PRKG1: variants seen among roughly 807,000 people sequenced by gnomAD.
PRKG1 encodes protein kinase cGMP-dependent 1.
PRKG1 carries 35 observed loss-of-function variants against 88.1 expected under a neutral mutation model. That is an observed-to-expected ratio of 0.40 (90% CI 0.30 to 0.53). PRKG1 has a LOEUF of 0.53. Ranked by LOEUF, PRKG1 falls within the 20% of genes least tolerant of loss-of-function variation. The pLI is 0.59. For synonymous variants in PRKG1, 303 were observed against 292.5 expected, an observed-to-expected ratio of 1.04 and a Z score of -0.37; for missense variants, 540 against 839.8, an observed-to-expected ratio of 0.64 and a Z score of 4.41.
intron 1 of PRKG1, among the ~76,000 whole-genome samples, chr10:51,005,681 C>G (rs185892984): frequency 2.0e-5 from 3 of 152,094 alleles, no homozygotes; most frequent in Non-Finnish European, 4.4e-5. Context: ...CGAGTTTAAA[C>G]GAAACACTGT....
In PRKG1 at chr10:51,416,465, C is replaced by T. The variant is rs943560701; in HGVS notation, c.479-51258C>T. Among the ~76,000 whole-genome samples, 13 of 152,016 alleles carry T rather than the reference C, an allele frequency of 8.6e-5. No individual in the cohort carries two copies. The East Asian group carries it at 2.5e-3, about 29-fold the overall frequency. On this transcript the variant is annotated intron_variant, in intron 2 of 17. Coordinates refer to ENST00000373980, the MANE Select transcript of PRKG1 (RefSeq NM_006258.4). The stretch of plus-strand genomic sequence containing the variant: ...TCAAAATCACTCCTTATTAAAGATC[C>T]GAAATAGTGTCATGGTTTGTCATTA...
At chr10:52,054,430 G>A (rs1846060198) in intron 5 of PRKG1, 54 bp from the exon 6 acceptor site, 1 of 1,356,850 alleles carries the variant, frequency 7.4e-7, no homozygotes, top group Non-Finnish European at 1.0e-6. Flanking sequence ...AGGCTGAGCT[G>A]TTTGGTAACT....
At chr10:52,204,398 T>C (rs1839760538) in intron 9 of PRKG1, among the ~76,000 whole-genome samples, 1 of 109,090 alleles carries the variant, frequency 9.2e-6, no homozygotes, top group Admixed American at 8.8e-5. Flanking sequence ...TAGCTGGTTG[T>C]TATGCAGACT....
At chr10:51,143,825 T>G (rs1437405259) in intron 1 of PRKG1, among the ~76,000 whole-genome samples, 1 of 152,052 alleles carries the variant, frequency 6.6e-6, no homozygotes, top group Non-Finnish European at 1.5e-5. Context: ...TTATTTGGGT[T>G]TTTTTTGCTA....
chr10:51,528,673 G>A (rs543656889), intron 3 of PRKG1, among the ~76,000 whole-genome samples: 9 of 151,486 alleles, frequency 5.9e-5, no homozygotes, highest in East Asian at 1.9e-4. Context: ...TTCTCGGGGT[G>A]GGGGGAAGAC....
At chr10:51,047,274 C>CTTAAAGCAAGTT (rs1350618394) in intron 1 of PRKG1, among the ~76,000 whole-genome samples, 3 of 152,144 alleles carry the variant, frequency 2.0e-5, no homozygotes, top group African/African-American at 2.4e-5. Flanking sequence ...CCAATTCTAC[C>CTTAAAGCAAGTT]ACTTACTTTG....
chr10:51,386,909 A>G (rs987510958), intron 2 of PRKG1, among the ~76,000 whole-genome samples: 2 of 152,204 alleles, frequency 1.3e-5, no homozygotes, highest in African/African-American at 4.8e-5. Flanking sequence ...CCTCTTTCTT[A>G]AGACCTCATA....
At chr10:51,235,695 G>A (rs1335987983) in intron 2 of PRKG1, among the ~76,000 whole-genome samples, 4 of 152,074 alleles carry the variant, frequency 2.6e-5, no homozygotes, top group African/African-American at 9.7e-5. Context: ...ACAAGTGACA[G>A]GGAGAGATGA....
At chr10:51,388,173 T>C (rs1418357286) in intron 2 of PRKG1, among the ~76,000 whole-genome samples, 1 of 152,242 alleles carries the variant, frequency 6.6e-6, no homozygotes, top group Non-Finnish European at 1.5e-5. Flanking sequence ...GTGTTTTGAA[T>C]TGGGACACTT....
chr10:51,115,442 G>A (rs1232390314), intron 1 of PRKG1, among the ~76,000 whole-genome samples: 2 of 142,862 alleles, frequency 1.4e-5, no homozygotes, highest in Admixed American at 7.2e-5. Flanking sequence ...GAGATCTGTC[G>A]ATAATTGATG....
At chr10:51,958,477 A>G (rs1029332432) in intron 5 of PRKG1, among the ~76,000 whole-genome samples, 2 of 151,622 alleles carry the variant, frequency 1.3e-5, no homozygotes, top group African/African-American at 2.4e-5. Flanking sequence ...TTTTTTTAGG[A>G]TAACTTGGTC....
chr10:52,160,588 C>A (rs1005000045), intron 8 of PRKG1, among the ~76,000 whole-genome samples: 1 of 151,920 alleles, frequency 6.6e-6, no homozygotes, highest in African/African-American at 2.4e-5. Flanking sequence ...CTCCCTTCCC[C>A]TCCACCCACC....
intron 3 of PRKG1, among the ~76,000 whole-genome samples, chr10:51,542,167 G>A (rs571502309): frequency 2.6e-5 from 4 of 151,948 alleles, no homozygotes; most frequent in Admixed American, 2.0e-4. Context: ...TCCCCACTAA[G>A]CCATTATATG....
At chr10:51,660,686 T>C (rs1840276585) in intron 3 of PRKG1, among the ~76,000 whole-genome samples, 1 of 152,092 alleles carries the variant, frequency 6.6e-6, no homozygotes, top group African/African-American at 2.4e-5. Context: ...TTGAAAAAGT[T>C]TTCACGTGGA....
chr10:51,551,460 T>C (rs1056909112), intron 3 of PRKG1, among the ~76,000 whole-genome samples: 10 of 151,874 alleles, frequency 6.6e-5, no homozygotes, highest in Admixed American at 5.9e-4. Context: ...TTGTATAATT[T>C]TGAGAATTTG....
At chr10:51,256,297 C>CT (rs974323618) in intron 2 of PRKG1, among the ~76,000 whole-genome samples, 1 of 151,896 alleles carries the variant, frequency 6.6e-6, no homozygotes, top group Admixed American at 6.6e-5. Flanking sequence ...ATAAAGCCCA[C>CT]TTTTTTTTAG....
intron 7 of PRKG1, among the ~76,000 whole-genome samples, chr10:52,110,452 T>C (rs1386712547): frequency 1.3e-5 from 2 of 151,926 alleles, no homozygotes; most frequent in Non-Finnish European, 2.9e-5. Context: ...TGTGTGTCTT[T>C]TGTTTTTAGA....
intron 3 of PRKG1, among the ~76,000 whole-genome samples, chr10:51,473,414 G>A (rs1840107081): frequency 6.6e-6 from 1 of 151,680 alleles, no homozygotes; most frequent in African/African-American, 2.4e-5. Context: ...CCTTAGGCTT[G>A]AGGGAAACTG....
chr10:51,414,378 T>C (rs1358524031), intron 2 of PRKG1, among the ~76,000 whole-genome samples: 1 of 152,202 alleles, frequency 6.6e-6, no homozygotes, highest in Non-Finnish European at 1.5e-5. Context: ...CCAGGTGGTC[T>C]TCGTTTTTTC....
Sources: allele counts gnomAD v4.1 joint callset (sites outside exome capture counted in the v4.1 genomes callset), GRCh38; gene constraint gnomAD v4.1.1; transcripts MANE v1.5; gene names NCBI Gene and HGNC (gene_info 2026-07-23, HGNC 2026-07-21).